The following EPHA4 variants were observed in gnomAD, a reference collection of about 807,000 sequenced individuals.
EPHA4 encodes EPH receptor A4.
A neutral mutation model predicts 108.3 loss-of-function variants in EPHA4; 19 were observed. The observed-to-expected ratio is 0.18, with a 90% CI of 0.12 to 0.26. EPHA4 has a LOEUF of 0.26. Among genes scored for constraint, EPHA4 ranks in the 10% least tolerant of loss-of-function variants. The pLI is 1.00. For missense variants in EPHA4, 917 were observed against 1,254.0 expected (o/e 0.73, Z 4.06); for synonymous variants, 449 against 455.5 (o/e 0.99, Z 0.18).
intron 8 of EPHA4, 83 bp from the exon 9 acceptor site, chr2:221,446,264 A>G: frequency 1.3e-6 from 1 of 773,138 alleles, no homozygotes. Context: ...ATTCTTTGCT[A>G]CTGTAAGTCA....
chr2:221,484,006 G>A (rs1198937305), intron 4 of EPHA4, among the ~76,000 whole-genome samples: 2 of 152,160 alleles, frequency 1.3e-5, no homozygotes, highest in African/African-American at 4.8e-5. Context: ...CAAGAGATGA[G>A]CAAAATGAGT....
rs766465905 is a variant in EPHA4, at chr2:221,563,886, G to A, written c.668C>T (p.Thr223Met). Reference protein sequence around the residue: ...QFPDTITGADTSSLVEVRGSC... With the variant: ...QFPDTITGADMSSLVEVRGSC... The stretch of plus-strand genomic sequence containing the variant: ...GCCTCGAACTTCCACCAGGGAAGAC[G>A]TATCAGCCCCTGTGATGGTGTCAGG... The change falls in exon 3 of 18, where the codon ACG becomes ATG. Residue 223 changes from threonine (T) to methionine (M), a missense_variant. Physicochemically the swap from Thr to Met is moderately conservative, Grantham distance 81. Around this residue, in one of 3 missense-constraint regions of EPHA4, gnomAD observed 758 missense variants for 1,076.7 expected, o/e 0.70. Transcript: ENST00000281821. The A allele has an allele frequency of 6.2e-6, 10 of 1,614,088 alleles. No individual in the cohort carries two copies. In the African/African-American group the frequency reaches 9.3e-5, roughly 15 times the overall value.
chr2:221,512,940 G>T (rs1211988803), intron 3 of EPHA4, among the ~76,000 whole-genome samples: 1 of 152,220 alleles, frequency 6.6e-6, no homozygotes, highest in Non-Finnish European at 1.5e-5. Context: ...TGGCAGAGGT[G>T]CTTTGAGACT....
intron 3 of EPHA4, among the ~76,000 whole-genome samples, chr2:221,559,215 A>T (rs578131142): frequency 6.6e-6 from 1 of 152,328 alleles, no homozygotes; most frequent in Non-Finnish European, 1.5e-5. Flanking sequence ...TGTATACTTC[A>T]GCAAGGCTTG....
chr2:221,571,271 C>T lies in EPHA4; in HGVS notation c.91+887G>A, dbSNP rs1483767012. ...CACCACACATACACACACACACACA[C>T]ACAGTTCGCCTCTCCCTGGGTTTCT... On this transcript the variant is annotated intron_variant, in intron 1 of 17. Transcript: ENST00000281821. This position sits in a 1 kb window ranked among gnomAD's most constrained non-coding sequence, Gnocchi z 6.3. 2.0e-5 allele frequency among the ~76,000 whole-genome samples: 3 copies of T among 151,628 alleles called. No homozygotes were observed. The highest frequency in any genetic ancestry group is 6.6e-5 in the Admixed American group (1 of 15,238).
intron 3 of EPHA4, among the ~76,000 whole-genome samples, chr2:221,521,328 G>T (rs560235382): frequency 6.6e-6 from 1 of 152,312 alleles, no homozygotes; most frequent in South Asian, 2.1e-4. Context: ...GATGTTACAG[G>T]ATATTTTAAA....
chr2:221,536,973 T>G (rs949654255), intron 3 of EPHA4, among the ~76,000 whole-genome samples: 1 of 152,224 alleles, frequency 6.6e-6, no homozygotes, highest in Admixed American at 6.5e-5. Flanking sequence ...GGTAAATACA[T>G]AGCGACCTTA....
chr2:221,436,513 A>G lies in EPHA4; in HGVS notation c.2232T>C (p.His744=). Residue 744 remains histidine (H), a synonymous_variant, in exon 13 of 18, where the codon CAT becomes CAC. Coordinates refer to ENST00000281821, the MANE Select transcript of EPHA4 (RefSeq NM_004438.5). ...GGATGTTCCGTGCGGCCAGATCACG[A>G]TGCACATAGCTCATATCAGATAAAT... ...MKYLSDMSYV[H]RDLAARNILV... 1.2e-6 allele frequency: 2 copies of G among 1,614,174 alleles called. No individual in the cohort carries two copies. Among genetic ancestry groups the G allele is most frequent in the Non-Finnish European group, 8.5e-7 (1 of 1,180,036 alleles).
intron 8 of EPHA4, among the ~76,000 whole-genome samples, chr2:221,448,524 C>A (rs1690668966): frequency 6.6e-6 from 1 of 152,176 alleles, no homozygotes; most frequent in South Asian, 2.1e-4. Flanking sequence ...AAGATGAAGT[C>A]TCCTCCAATC....
intron 8 of EPHA4, among the ~76,000 whole-genome samples, chr2:221,450,517 G>T (rs1690746814): frequency 6.6e-6 from 1 of 152,184 alleles, no homozygotes. Flanking sequence ...TGTCAGTTAA[G>T]AAGATATTAA....
At chr2:221,524,434 T>A (rs1693264215) in intron 3 of EPHA4, among the ~76,000 whole-genome samples, 1 of 152,186 alleles carries the variant, frequency 6.6e-6, no homozygotes, top group Non-Finnish European at 1.5e-5. Context: ...GAAATGAGAA[T>A]GAGAATGAGG....
At chr2:221,482,799 G>T in intron 4 of EPHA4, 109 bp from the exon 5 acceptor site, 2 of 977,408 alleles carry the variant, frequency 2.0e-6, no homozygotes, top group Non-Finnish European at 3.0e-6. Context: ...AAACCCACTT[G>T]GCAAAGAAAG....
At chr2:221,545,417 C>T (rs1217922812) in intron 3 of EPHA4, among the ~76,000 whole-genome samples, 1 of 151,788 alleles carries the variant, frequency 6.6e-6, no homozygotes, top group African/African-American at 2.4e-5. Flanking sequence ...TGCAGTGAGC[C>T]GAGACTGCAC....
intron 3 of EPHA4, among the ~76,000 whole-genome samples, chr2:221,548,331 T>C (rs952162): frequency 0.11 from 16,340 of 151,342 alleles, 1,086 homozygotes; most frequent in East Asian, 0.14. Context: ...ACCACTGCAC[T>C]CCAGCCTGGC....
intron 14 of EPHA4, among the ~76,000 whole-genome samples, chr2:221,432,993 T>C (rs999877386): frequency 1.3e-5 from 2 of 151,754 alleles, no homozygotes; most frequent in Non-Finnish European, 2.9e-5. Flanking sequence ...CCCGGCTAAT[T>C]TTTTGTATTT....
intron 3 of EPHA4, among the ~76,000 whole-genome samples, chr2:221,535,837 A>G (rs1007074653): frequency 2.0e-5 from 3 of 152,148 alleles, no homozygotes; most frequent in Non-Finnish European, 4.4e-5. Flanking sequence ...TACATGATCA[A>G]TGGCTCTCAA....
chr2:221,443,707 T>C (rs1178094925), intron 9 of EPHA4, 101 bp from the exon 10 acceptor site: 1 of 820,474 alleles, frequency 1.2e-6, no homozygotes, highest in Non-Finnish European at 2.0e-6. Flanking sequence ...AAAAGTCAAG[T>C]TAGCTGTACG....
chr2:221,566,017 C>A (rs933734395), intron 2 of EPHA4, among the ~76,000 whole-genome samples: 1 of 152,126 alleles, frequency 6.6e-6, no homozygotes, highest in Non-Finnish European at 1.5e-5. Flanking sequence ...ACAAATCCTC[C>A]CTTAGTTTTA....
intron 3 of EPHA4, among the ~76,000 whole-genome samples, chr2:221,516,361 T>C (rs1295709512): frequency 6.6e-6 from 1 of 150,886 alleles, no homozygotes. Context: ...GATTTTTTTT[T>C]TTTTTTTTTT....
Sources: gnomAD v4.1 joint callset for allele counts (sites outside exome capture counted in the v4.1 genomes callset) on GRCh38, gnomAD v4.1.1 for gene constraint, gnomAD v4.1.1 regional missense constraint, Gnocchi (gnomAD v3.1) non-coding constraint, MANE v1.5 for transcripts, NCBI Gene and HGNC (gene_info 2026-07-23, HGNC 2026-07-21) for gene names.